Variants in GRIN3A observed in about 807,000 individuals in gnomAD.
GRIN3A encodes the protein glutamate ionotropic receptor NMDA type subunit 3A.
A neutral mutation model predicts 92.4 loss-of-function variants in GRIN3A; 47 were observed. That is an observed-to-expected ratio of 0.51 (90% confidence interval 0.40 to 0.65). The LOEUF (loss-of-function observed/expected upper bound fraction) is 0.65. Among genes scored for constraint, GRIN3A ranks in the 30% least tolerant of loss-of-function variants. The probability of loss-of-function intolerance (pLI) is 0.00; values close to 1 mark genes in which losing one functional copy is unlikely to be tolerated. For missense variants in GRIN3A, 1,324 were observed against 1,393.1 expected (o/e 0.95, Z 0.79); for synonymous variants, 527 against 540.6 (o/e 0.97, Z 0.35).
At chr9:101,615,180 A>G (rs1378412217) in intron 5 of GRIN3A, among the ~76,000 whole-genome samples, 2 of 145,608 alleles carry the variant, frequency 1.4e-5, no homozygotes, top group African/African-American at 2.6e-5. Context: ...TGTTTTAGCT[A>G]TTGGACAGAA....
intron 1 of GRIN3A, among the ~76,000 whole-genome samples, chr9:101,722,862 A>G (rs1159218834): frequency 6.6e-6 from 1 of 152,124 alleles, no homozygotes; most frequent in Non-Finnish European, 1.5e-5. Flanking sequence ...TGTCTCAGAT[A>G]ATACTTTGAA....
intron 2 of GRIN3A, among the ~76,000 whole-genome samples, chr9:101,685,308 CTTTTTTTTTT>C (rs35028586): frequency 5.2e-5 from 6 of 115,230 alleles, no homozygotes; most frequent in African/African-American, 1.9e-4. Flanking sequence ...TTTATCATGT[CTTTTTTTTTT>C]TTTTTTTTTG....
chr9:101,733,031 G>A (rs1164464188), intron 1 of GRIN3A, among the ~76,000 whole-genome samples: 1 of 152,110 alleles, frequency 6.6e-6, no homozygotes, highest in Non-Finnish European at 1.5e-5. Context: ...AATTTGACTG[G>A]GGGGTTATTT....
chr9:101,616,069 C>T (rs1305523181), intron 5 of GRIN3A, among the ~76,000 whole-genome samples: 1 of 152,176 alleles, frequency 6.6e-6, no homozygotes, highest in Non-Finnish European at 1.5e-5. Flanking sequence ...CCATATCCAC[C>T]TTGGTCACTG....
intron 3 of GRIN3A, among the ~76,000 whole-genome samples, chr9:101,664,862 C>T (rs2118939406): frequency 6.6e-6 from 1 of 152,010 alleles, no homozygotes; most frequent in South Asian, 2.1e-4. Flanking sequence ...AAAAATGGAG[C>T]TATTACATTC....
intron 8 of GRIN3A, among the ~76,000 whole-genome samples, chr9:101,577,052 G>A (rs931431635): frequency 6.6e-6 from 1 of 152,168 alleles, no homozygotes; most frequent in African/African-American, 2.4e-5. Flanking sequence ...ATGAAATAGG[G>A]AACAGTCATC....
chr9:101,587,309 CA>C (rs113147915), intron 6 of GRIN3A, among the ~76,000 whole-genome samples: 4,663 of 99,714 alleles, frequency 0.047, 150 homozygotes, highest in African/African-American at 0.13. Context: ...GACTCCATCT[CA>C]AAAAAAAAAA....
At chr9:101,715,636 T>G (rs1028510546) in intron 1 of GRIN3A, among the ~76,000 whole-genome samples, 1 of 152,164 alleles carries the variant, frequency 6.6e-6, no homozygotes, top group Admixed American at 6.5e-5. Flanking sequence ...TATGATTCAT[T>G]TGAAGTCTGT....
chr9:101,690,755 A>C lies in GRIN3A; in HGVS notation c.700-3555T>G, dbSNP rs575084268. On this transcript the variant is annotated intron_variant, in intron 1 of 8. Transcript: ENST00000361820. ...TTTATAAAGCAATAATAATTAAAAC[A>C]GGGAAGCACTAATAGGTACTAATAG... Among the ~76,000 whole-genome samples, 10 of 152,338 alleles carry C rather than the reference A, an allele frequency of 6.6e-5. 1 individual carries two copies. In the South Asian group the frequency reaches 2.1e-3, roughly 32 times the overall value.
At chr9:101,599,903 C>T (rs1218726055) in intron 6 of GRIN3A, among the ~76,000 whole-genome samples, 1 of 152,128 alleles carries the variant, frequency 6.6e-6, no homozygotes, top group Non-Finnish European at 1.5e-5. Flanking sequence ...AATATCTAAG[C>T]GTACTGACGT....
chr9:101,613,496 T>G lies in GRIN3A; in HGVS notation c.2646A>C (p.Pro882=). 1 of 1,614,188 alleles carries G rather than the reference T, an allele frequency of 6.2e-7. No homozygotes were observed. ...GYGIGLPPNS[P]LTANISELIS... ...TTAGCTCGGATATGTTGGCGGTCAA[T>G]GGAGAGTTGGGTGGGAGGCCAATGC... Residue 882 remains proline, a synonymous_variant, in exon 6 of 9, where the codon CCA becomes CCC. Coordinates refer to ENST00000361820, the MANE Select transcript of GRIN3A (RefSeq NM_133445.3).
At chr9:101,608,652 G>A (rs569014096) in intron 6 of GRIN3A, among the ~76,000 whole-genome samples, 53 of 152,086 alleles carry the variant, frequency 3.5e-4, no homozygotes, top group African/African-American at 1.2e-3. Flanking sequence ...AAGCACTATC[G>A]AACTTCATTT....
intron 3 of GRIN3A, among the ~76,000 whole-genome samples, chr9:101,639,022 C>T (rs1364031973): frequency 1.3e-5 from 2 of 152,158 alleles, no homozygotes; most frequent in African/African-American, 2.4e-5. Context: ...TTCAGCCTTC[C>T]TATGCCCTAC....
intron 3 of GRIN3A, among the ~76,000 whole-genome samples, chr9:101,655,662 C>G (rs552703955): frequency 6.6e-6 from 1 of 151,894 alleles, no homozygotes; most frequent in Non-Finnish European, 1.5e-5. Flanking sequence ...AATCACTTAA[C>G]TCCTCTGAGC....
At chr9:101,598,398 A>G (rs980941168) in intron 6 of GRIN3A, among the ~76,000 whole-genome samples, 1 of 152,162 alleles carries the variant, frequency 6.6e-6, no homozygotes, top group Non-Finnish European at 1.5e-5. Context: ...TATTATCCCA[A>G]TTGAATTAAT....
intron 1 of GRIN3A, among the ~76,000 whole-genome samples, chr9:101,701,469 C>A (rs1454344624): frequency 1.3e-5 from 2 of 152,068 alleles, no homozygotes; most frequent in East Asian, 3.9e-4. Context: ...CATGCCTAGC[C>A]ATTGCAGAAA....
At chr9:101,695,669 T>G (rs942445725) in intron 1 of GRIN3A, among the ~76,000 whole-genome samples, 1 of 152,160 alleles carries the variant, frequency 6.6e-6, no homozygotes, top group Non-Finnish European at 1.5e-5. Context: ...AACTGCTTGA[T>G]AAATATTAGC....
chr9:101,599,450 T>A (rs1385132893), intron 6 of GRIN3A, among the ~76,000 whole-genome samples: 16 of 152,226 alleles, frequency 1.1e-4, no homozygotes. Context: ...AGCATTATTA[T>A]GGGACTCAAC....
At chr9:101,575,544 A>G (rs1372927512) in intron 8 of GRIN3A, among the ~76,000 whole-genome samples, 1 of 152,198 alleles carries the variant, frequency 6.6e-6, no homozygotes, top group Non-Finnish European at 1.5e-5. Flanking sequence ...ACCCAGGGCT[A>G]TATATAAATC....
Sources: gnomAD v4.1 joint callset for allele counts (sites outside exome capture counted in the v4.1 genomes callset) on GRCh38, gnomAD v4.1.1 for gene constraint, MANE v1.5 for transcripts, NCBI Gene and HGNC (gene_info 2026-07-23, HGNC 2026-07-21) for gene names.